Variants in EPCIP observed in about 807,000 individuals in gnomAD.
EPCIP encodes exosomal polycystin 1 interacting protein.
the EPCIP span, chr21:32,797,099 C>T: frequency 2.3e-6 from 1 of 435,584 alleles, no homozygotes; most frequent in Non-Finnish European, 4.7e-6. Flanking sequence ...TCCCTGCCTC[C>T]TGGACATTAG....
the EPCIP span, among the ~76,000 whole-genome samples, chr21:32,800,997 C>T: frequency 2.0e-5 from 3 of 152,172 alleles, no homozygotes; most frequent in Non-Finnish European, 4.4e-5. Flanking sequence ...CCTTCTTTAG[C>T]ACACTGTTGG....
chr21:32,799,577 G>T, the EPCIP span, among the ~76,000 whole-genome samples: 1 of 152,142 alleles, frequency 6.6e-6, no homozygotes, highest in Admixed American at 6.6e-5. Flanking sequence ...CATCTTCTCA[G>T]CTTCTGACTC....
chr21:32,803,255 T>C, the EPCIP span, among the ~76,000 whole-genome samples: 109,537 of 152,204 alleles, frequency 0.72, 40,209 homozygotes, highest in East Asian at 0.91. Flanking sequence ...GAATTTAAAC[T>C]GACACATTCT....
chr21:32,809,336 CTT>C, the EPCIP span, among the ~76,000 whole-genome samples: 1 of 129,060 alleles, frequency 7.7e-6, no homozygotes, highest in Non-Finnish European at 1.6e-5. Context: ...TTCTTTCTTT[CTT>C]TCTTTCCTCT....
chr21:32,813,059 A>C, the EPCIP span, among the ~76,000 whole-genome samples: 1 of 152,212 alleles, frequency 6.6e-6, no homozygotes, highest in Non-Finnish European at 1.5e-5. Flanking sequence ...GGCAGTAAAT[A>C]TAATATTATT....
the EPCIP span, among the ~76,000 whole-genome samples, chr21:32,796,698 C>A: frequency 6.6e-6 from 1 of 152,146 alleles, no homozygotes; most frequent in Non-Finnish European, 1.5e-5. Flanking sequence ...GGTGTGTCTA[C>A]CCCCTTAGTG....
At chr21:32,798,037 T>A in the EPCIP span, 1 of 152,164 alleles carries the variant, frequency 6.6e-6, no homozygotes, top group African/African-American at 2.4e-5. Context: ...AAACCTCTCT[T>A]TAAATAGCAC....
the EPCIP span, among the ~76,000 whole-genome samples, chr21:32,810,246 CTTTTTTTT>C: frequency 1.5e-5 from 1 of 65,636 alleles, no homozygotes; most frequent in Non-Finnish European, 2.6e-5. Flanking sequence ...GGCATTTGAT[CTTTTTTTT>C]TTTTTTTTTT....
At chr21:32,799,665 G>A in the EPCIP span, among the ~76,000 whole-genome samples, 1 of 152,192 alleles carries the variant, frequency 6.6e-6, no homozygotes, top group African/African-American at 2.4e-5. Context: ...ATCACAGCCA[G>A]GCATGGTGGT....
chr21:32,800,821 AC>A, the EPCIP span, among the ~76,000 whole-genome samples: 3,021 of 21,484 alleles, frequency 0.14, 49 homozygotes, highest in Middle Eastern at 0.26. Flanking sequence ...CAAAAAAAAA[AC>A]CAAAAAAAAA....
chr21:32,794,517 T>C, the EPCIP span: 1 of 1,177,722 alleles, frequency 8.5e-7, no homozygotes, highest in South Asian at 1.5e-5. Context: ...TATCACAACC[T>C]TTCATTTGAA....
At chr21:32,799,896 C>G in the EPCIP span, among the ~76,000 whole-genome samples, 1 of 152,142 alleles carries the variant, frequency 6.6e-6, no homozygotes, top group Non-Finnish European at 1.5e-5. Flanking sequence ...GAGCCGAGAT[C>G]GCACCACTGC....
At chr21:32,806,897 C>T in the EPCIP span, among the ~76,000 whole-genome samples, 1 of 152,278 alleles carries the variant, frequency 6.6e-6, no homozygotes, top group Admixed American at 6.5e-5. Flanking sequence ...TGAACTCAGT[C>T]CCACATGGCT....
chr21:32,792,345 A>G, the EPCIP span, among the ~76,000 whole-genome samples: 1 of 152,246 alleles, frequency 6.6e-6, no homozygotes, highest in East Asian at 1.9e-4. Context: ...TCACTTTGCA[A>G]TCTTAACCTT....
chr21:32,803,099 T>G, the EPCIP span, among the ~76,000 whole-genome samples: 1 of 151,752 alleles, frequency 6.6e-6, no homozygotes, highest in African/African-American at 2.4e-5. Flanking sequence ...AACTATGGAG[T>G]AGGTGGAGTA....
the EPCIP span, among the ~76,000 whole-genome samples, chr21:32,807,476 G>T: frequency 6.6e-6 from 1 of 152,018 alleles, no homozygotes; most frequent in Non-Finnish European, 1.5e-5. Flanking sequence ...GGGATTACAG[G>T]CATGTGCCAC....
chr21:32,794,023 A>G, the EPCIP span: 2 of 1,614,174 alleles, frequency 1.2e-6, no homozygotes, highest in Non-Finnish European at 1.7e-6. Context: ...CTGGGAAGGG[A>G]TGCTTGGCCT....
the EPCIP span, among the ~76,000 whole-genome samples, chr21:32,792,566 A>G: frequency 1.1e-4 from 17 of 152,202 alleles, no homozygotes; most frequent in African/African-American, 4.1e-4. Context: ...ATGAGAAGAG[A>G]AATTGGTGAA....
chr21:32,811,643 G>A, the EPCIP span, among the ~76,000 whole-genome samples: 1 of 152,188 alleles, frequency 6.6e-6, no homozygotes, highest in Non-Finnish European at 1.5e-5. Flanking sequence ...ATTACTAGAT[G>A]CTGTAGCCTT....
Sources: allele counts gnomAD v4.1 joint callset (sites outside exome capture counted in the v4.1 genomes callset), GRCh38; gene constraint gnomAD v4.1.1; transcripts MANE v1.5; gene names NCBI Gene and HGNC (gene_info 2026-07-23, HGNC 2026-07-21).